The following BANK1 variants were observed in gnomAD, a reference collection of about 807,000 sequenced individuals.
BANK1 encodes the protein B-cell scaffold protein with ankyrin repeats.
BANK1 carries 95 observed loss-of-function variants against 94.5 expected under a neutral mutation model. The ratio of observed to expected loss-of-function variants is 1.00; its 90% CI spans 0.85 to 1.19. The LOEUF (loss-of-function observed/expected upper bound fraction) is 1.19. Among genes scored for constraint, BANK1 ranks in the 50% most tolerant of loss-of-function variants. The probability of loss-of-function intolerance (pLI) is 0.00; values close to 1 mark genes in which losing one functional copy is unlikely to be tolerated. For synonymous variants in BANK1, 334 were observed against 308.4 expected, an observed-to-expected ratio of 1.08 and a Z score of -0.87; for missense variants, 987 against 932.2, an observed-to-expected ratio of 1.06 and a Z score of -0.77.
intron 7 of BANK1, among the ~76,000 whole-genome samples, chr4:101,925,591 C>CTT (rs886416088): frequency 1.6e-4 from 25 of 151,728 alleles, no homozygotes; most frequent in African/African-American, 5.8e-4. Flanking sequence ...GAAACAGTAT[C>CTT]TTATTCTAAA....
intron 7 of BANK1, among the ~76,000 whole-genome samples, chr4:101,969,846 T>C (rs1364852723): frequency 2.0e-5 from 3 of 152,080 alleles, no homozygotes; most frequent in Non-Finnish European, 4.4e-5. Context: ...AGATTTCCTC[T>C]TTTCAGGCTA....
intron 7 of BANK1, among the ~76,000 whole-genome samples, chr4:101,929,714 G>C (rs1578404211): frequency 6.6e-6 from 1 of 151,416 alleles, no homozygotes; most frequent in South Asian, 2.1e-4. Context: ...AGTAGCCAGA[G>C]ATTGCATTTA....
intron 7 of BANK1, among the ~76,000 whole-genome samples, chr4:101,989,929 AC>A (rs1430466198): frequency 6.6e-6 from 1 of 152,148 alleles, no homozygotes; most frequent in East Asian, 1.9e-4. Flanking sequence ...AACCAAAGAT[AC>A]TTTTAAATGG....
At chr4:101,892,344 C>A (rs1721906373) in intron 5 of BANK1, among the ~76,000 whole-genome samples, 1 of 151,396 alleles carries the variant, frequency 6.6e-6, no homozygotes, top group Non-Finnish European at 1.5e-5. Context: ...AAGTTACATT[C>A]ATCAATCCCT....
At chr4:101,841,063 T>C (rs1023778031) in intron 2 of BANK1, among the ~76,000 whole-genome samples, 10 of 152,192 alleles carry the variant, frequency 6.6e-5, no homozygotes, top group Non-Finnish European at 1.3e-4. Context: ...CTGGCCTACG[T>C]GATCCACCTG....
At chr4:102,026,871 C>G (rs1727124267) in intron 9 of BANK1, among the ~76,000 whole-genome samples, 2 of 151,258 alleles carry the variant, frequency 1.3e-5, no homozygotes, top group Admixed American at 6.6e-5. Context: ...ATTGAAGGCT[C>G]TCTATGAAGA....
At chr4:101,989,329 G>T (rs1578439489) in intron 7 of BANK1, among the ~76,000 whole-genome samples, 2 of 151,156 alleles carry the variant, frequency 1.3e-5, no homozygotes, top group East Asian at 3.9e-4. Context: ...TACTCAGGAG[G>T]CTGAGGCAGG....
At chr4:101,856,315 C>T (rs548640989) in intron 3 of BANK1, among the ~76,000 whole-genome samples, 4 of 152,186 alleles carry the variant, frequency 2.6e-5, no homozygotes, top group East Asian at 1.9e-4. Flanking sequence ...CCCCAGGAAA[C>T]GGAACTATAC....
intron 5 of BANK1, among the ~76,000 whole-genome samples, chr4:101,874,943 T>C (rs944335340): frequency 6.6e-6 from 1 of 152,154 alleles, no homozygotes; most frequent in African/African-American, 2.4e-5. Context: ...TGAAAACTTA[T>C]AGAACAGGAA....
At chr4:101,926,883 A>G (rs991577925) in intron 7 of BANK1, among the ~76,000 whole-genome samples, 4 of 151,834 alleles carry the variant, frequency 2.6e-5, no homozygotes, top group Admixed American at 2.0e-4. Flanking sequence ...GATATCCACA[A>G]AAGAGCCAGT....
chr4:101,928,049 A>G (rs1411892161), intron 7 of BANK1, among the ~76,000 whole-genome samples: 4 of 151,658 alleles, frequency 2.6e-5, no homozygotes, highest in Admixed American at 6.6e-5. Flanking sequence ...CAACATGTGT[A>G]TGTATATTTG....
At chr4:102,017,401 T>C (rs1375558338) in intron 7 of BANK1, among the ~76,000 whole-genome samples, 1 of 152,172 alleles carries the variant, frequency 6.6e-6, no homozygotes, top group Non-Finnish European at 1.5e-5. Context: ...TATTCATAAC[T>C]GTAGTTAAAG....
At chr4:101,892,570 T>C (rs536822849) in intron 5 of BANK1, among the ~76,000 whole-genome samples, 2 of 151,852 alleles carry the variant, frequency 1.3e-5, no homozygotes, top group South Asian at 4.1e-4. Flanking sequence ...GTTTAATTTG[T>C]TCAATAACAA....
At chr4:101,900,268 A>G (rs890608855) in intron 6 of BANK1, among the ~76,000 whole-genome samples, 1 of 152,236 alleles carries the variant, frequency 6.6e-6, no homozygotes, top group African/African-American at 2.4e-5. Flanking sequence ...GTAACAGAGT[A>G]ATAAAACAGT....
At chr4:101,849,642 A>G (rs1727398104) in intron 2 of BANK1, among the ~76,000 whole-genome samples, 1 of 152,216 alleles carries the variant, frequency 6.6e-6, no homozygotes, top group Non-Finnish European at 1.5e-5. Flanking sequence ...ATGTGTGTGT[A>G]TATATACACA....
At chr4:101,890,639 T>C (rs991052406) in intron 5 of BANK1, among the ~76,000 whole-genome samples, 2 of 149,160 alleles carry the variant, frequency 1.3e-5, no homozygotes, top group Non-Finnish European at 3.0e-5. Context: ...TAATTATTAT[T>C]ATAAAGAGAA....
chr4:102,025,225 A>C lies in BANK1; in HGVS notation c.1310A>C (p.His437Pro), dbSNP rs921760645. 13 of 1,614,072 alleles carry C rather than the reference A, an allele frequency of 8.1e-6. No homozygotes were observed. Among genetic ancestry groups the C allele is most frequent in the Non-Finnish European group, 1.1e-5 (13 of 1,180,010 alleles). The change falls in exon 9 of 17, where the codon CAT (histidine) becomes CCT (proline). Residue 437 changes from histidine to proline, a missense_variant. Transcript: ENST00000322953. ...IPSTQNPAFH[H>P]ESRKTYGQSA... ...GCCACACAGAACCCAGCATTTCATC[A>C]TGAAAGCAGGAAGACATACGGGCAG...
intron 1 of BANK1, among the ~76,000 whole-genome samples, chr4:101,804,049 A>T (rs1219339153): frequency 6.6e-6 from 1 of 150,602 alleles, no homozygotes; most frequent in Non-Finnish European, 1.5e-5. Flanking sequence ...AAAAGAAAAA[A>T]TTAGACATGT....
chr4:102,067,633 G>A (rs532272088), intron 13 of BANK1, among the ~76,000 whole-genome samples: 14 of 151,632 alleles, frequency 9.2e-5, no homozygotes, highest in East Asian at 1.9e-4. Flanking sequence ...AAATATCTGC[G>A]TTATATAAAA....
Sources: gnomAD v4.1 joint callset for allele counts (sites outside exome capture counted in the v4.1 genomes callset) on GRCh38, gnomAD v4.1.1 for gene constraint, MANE v1.5 for transcripts, NCBI Gene and HGNC (gene_info 2026-07-23, HGNC 2026-07-21) for gene names.